Variants in CYP17A1 observed in about 807,000 individuals in gnomAD.
CYP17A1 encodes the protein steroid 17-alpha-hydroxylase/17,20 lyase.
Under a neutral mutation model 38.5 loss-of-function variants are expected in CYP17A1, and 27 were observed. The ratio of observed to expected loss-of-function variants is 0.70; its 90% CI spans 0.52 to 0.97. The LOEUF is 0.97. Among genes scored for constraint, CYP17A1 ranks in the 50% least tolerant of loss-of-function variants. The pLI is 0.00. For synonymous variants in CYP17A1, 263 were observed against 253.3 expected (o/e 1.04, Z -0.36); for missense variants, 549 against 645.9 (o/e 0.85, Z 1.63).
intron 4 of CYP17A1, 163 bp from the exon 5 acceptor site, chr10:102,833,371 G>T: frequency 7.1e-7 from 1 of 1,412,732 alleles, no homozygotes; most frequent in Non-Finnish European, 9.5e-7. Context: ...AGGCAGCCCC[G>T]GGCCCTCTTT....
intron 1 of CYP17A1, among the ~76,000 whole-genome samples, chr10:102,836,473 A>AAAT (rs1844164070): frequency 6.6e-6 from 1 of 150,682 alleles, no homozygotes; most frequent in African/African-American, 2.4e-5. Context: ...AAAAAAAAAA[A>AAAT]AAAAAATGCT....
rs1207264256 is a variant in CYP17A1, at chr10:102,832,564, G to A, written c.1086C>T (p.Arg362=). The change falls in exon 6 of 8, where the codon CGC becomes CGT. Residue 362 remains arginine, a synonymous_variant. Transcript: ENST00000369887. ...TGAGCATAGGGGCCACGGGCCTGAG[G>A]CGAAGCACCTCTCGGATGGTGGCCT... ...LLEATIREVL[R]LRPVAPMLIP... The A allele has an allele frequency of 1.2e-6, 2 of 1,611,636 alleles. No individual in the cohort carries two copies. The highest frequency in any genetic ancestry group is 1.7e-6 in the Non-Finnish European group (2 of 1,177,692).
Position 102,837,212 on chromosome 10 carries a change from A to C in CYP17A1, c.150T>G (p.His50Gln). ...TTTTCTGCAGCTTGAAGAAGTTGTT[A>C]TGCATATGGCCGTGTCTGGGGAGGA... ...LPFLPRHGHM[H>Q]NNFFKLQKKY... The change falls in exon 1 of 8, where the codon CAT becomes CAG. Residue 50 changes from histidine to glutamine, a missense_variant. Coordinates refer to ENST00000369887, the MANE Select transcript of CYP17A1 (RefSeq NM_000102.4). 1 of 1,609,064 alleles carries C rather than the reference A, an allele frequency of 6.2e-7. No homozygotes were observed. Among genetic ancestry groups the C allele is most frequent in the Non-Finnish European group, 8.5e-7 (1 of 1,175,374 alleles).
chr10:102,835,742 ACT>A (rs1470749612), intron 1 of CYP17A1: 2 of 378,444 alleles, frequency 5.3e-6, no homozygotes, highest in Non-Finnish European at 1.0e-5. Flanking sequence ...GATGGGATAA[ACT>A]CTCTAAACTA....
intron 5 of CYP17A1, 47 bp downstream of exon 5, chr10:102,832,946 A>G: frequency 6.2e-7 from 1 of 1,607,160 alleles, no homozygotes; most frequent in Non-Finnish European, 8.5e-7. Flanking sequence ...TCTGGAGCCC[A>G]GAGATTGGGC....
intron 1 of CYP17A1, chr10:102,835,611 A>G (rs1432389844): frequency 3.4e-6 from 2 of 595,104 alleles, no homozygotes; most frequent in Admixed American, 2.8e-5. Flanking sequence ...AATACAGTAG[A>G]TCAAGGAGAA....
At position 102,830,883 on chromosome 10, in the gene CYP17A1, C is replaced by T. The variant is rs752164207; in HGVS notation, c.1346G>A (p.Arg449His). 4.4e-6 allele frequency: 7 copies of T among 1,583,944 alleles called. No homozygotes were observed. Among genetic ancestry groups the T allele is most frequent in the African/African-American group, 2.7e-5 (2 of 74,258 alleles). Residue 449 changes from arginine to histidine, a missense_variant, in exon 8 of 8, where the codon CGC (arginine) becomes CAC (histidine). By Grantham distance (29) the Arg-to-His change is conservative. Transcript: ENST00000369887. The surrounding 1 kb of genome is among the most constrained non-coding windows in gnomAD (Gnocchi z 4.1). Reference sequence around the variant, plus strand: ...GGCCATGATGAGGAAGAGCTCCTGGCGGGCCAGGATCTCACCTATACAGGA... The same window carrying T: ...GGCCATGATGAGGAAGAGCTCCTGGTGGGCCAGGATCTCACCTATACAGGA... Reference protein sequence around the residue: ...PRSCIGEILARQELFLIMAWL... With the variant: ...PRSCIGEILAHQELFLIMAWL...
intron 6 of CYP17A1, among the ~76,000 whole-genome samples, chr10:102,832,108 C>G (rs1844097880): frequency 6.6e-6 from 1 of 152,064 alleles, no homozygotes; most frequent in South Asian, 2.1e-4. Context: ...GAGTCCCGCT[C>G]TGTCACCCAG....
rs1359426739 is a variant in CYP17A1, at chr10:102,835,020, G to A, written c.437-6C>T. Reference sequence around the variant, plus strand: ...TGTACTGATTTCCTGACAAACTGAAGGGAGAGGGGGCATGAGGGTGGGAAA... The same window carrying A: ...TGTACTGATTTCCTGACAAACTGAAAGGAGAGGGGGCATGAGGGTGGGAAA... On this transcript the variant is annotated splice_region_variant and splice_polypyrimidine_tract_variant and intron_variant, in intron 2 of 7. Coordinates refer to ENST00000369887, the MANE Select transcript of CYP17A1 (RefSeq NM_000102.4). 2.0e-6 allele frequency: 3 copies of A among 1,531,900 alleles called. No individual in the cohort carries two copies. Among genetic ancestry groups the A allele is most frequent in the Non-Finnish European group, 2.7e-6 (3 of 1,112,246 alleles). The allele number at this position is 1,531,900 out of a possible 1,614,324, so 94.9% of individuals were successfully genotyped here.
At chr10:102,832,924 G>A in intron 5 of CYP17A1, 69 bp downstream of exon 5, 1 of 1,589,036 alleles carries the variant, frequency 6.3e-7, no homozygotes. Context: ...GAGAGAATTG[G>A]CTCTCCCTTT....
chr10:102,832,794 T>C, intron 5 of CYP17A1, 114 bp from the exon 6 acceptor site: 2 of 1,289,356 alleles, frequency 1.6e-6, no homozygotes, highest in Non-Finnish European at 1.1e-6. Flanking sequence ...CCCTTCCCAG[T>C]AGTGGCTCTG....
Position 102,834,935 on chromosome 10 carries a change from G to A in CYP17A1, c.516C>T (p.Phe172=), listed in dbSNP as rs1488291459. The A allele has an allele frequency of 4.3e-6, 7 of 1,613,374 alleles. No individual in the cohort carries two copies. The highest frequency in any genetic ancestry group is 5.9e-6 in the Non-Finnish European group (7 of 1,179,548). The stretch of plus-strand genomic sequence containing the variant: ...AGGAGATGACATTGGTTACCGCCAC[G>A]AAGACAGGAAAGGAGATGTCTATGG... ...GQSIDISFPV[F]VAVTNVISLI... The change falls in exon 3 of 8, where the codon TTC becomes TTT. Residue 172 remains phenylalanine (F), a synonymous_variant. Coordinates refer to ENST00000369887, the MANE Select transcript of CYP17A1 (RefSeq NM_000102.4).
chr10:102,832,080 A>T (rs953527834), intron 6 of CYP17A1, among the ~76,000 whole-genome samples: 5 of 151,580 alleles, frequency 3.3e-5, no homozygotes, highest in Non-Finnish European at 7.4e-5. Context: ...TAATTAATTA[A>T]TTATTTATTT....
chr10:102,831,580 C>CT lies in CYP17A1; in HGVS notation c.1170dup (p.Glu391ArgfsTer13). On this transcript the variant is annotated frameshift_variant, in exon 7 of 8. Coordinates refer to ENST00000369887, the MANE Select transcript of CYP17A1 (RefSeq NM_000102.4). LOFTEE classifies it high-confidence loss of function. ...AGCGCCCACAGATTGATGATAACTT[C>CT]TGTGCCCTTGTCCACAGCAAACTCA... 1.2e-6 allele frequency: 2 copies of CT among 1,613,992 alleles called. No individual in the cohort carries two copies. The highest frequency in any genetic ancestry group is 2.2e-5 in the South Asian group (2 of 91,082).
Position 102,835,352 on chromosome 10 carries a change from G to C in CYP17A1, c.338C>G (p.Ala113Gly), listed in dbSNP as rs1297533084. ...DIASNNRKGI[A>G]FADSGAHWQL... ...CCAGTGTGCGCCAGAGTCAGCGAAG[G>C]CGATACCCTTACGGTTGTTGGACGC... The change falls in exon 2 of 8, where the codon GCC becomes GGC. Residue 113 changes from alanine (A) to glycine (G), a missense_variant. Ala to Gly is a moderately conservative substitution (Grantham distance 60). This residue lies in a region of CYP17A1 where 289 missense variants were observed against 320.9 expected (regional missense o/e 0.90). Coordinates refer to ENST00000369887, the MANE Select transcript of CYP17A1 (RefSeq NM_000102.4). 1.2e-6 allele frequency: 2 copies of C among 1,612,338 alleles called. No individual in the cohort carries two copies. The highest frequency in any genetic ancestry group is 1.7e-6 in the Non-Finnish European group (2 of 1,178,400).
At position 102,831,365 on chromosome 10, in the gene CYP17A1, AGG is replaced by A. The variant is rs1323229352; in HGVS notation, c.1243+141_1243+142del. On this transcript the variant is annotated intron_variant, in intron 7 of 7. Coordinates refer to ENST00000369887, the MANE Select transcript of CYP17A1 (RefSeq NM_000102.4). ...TGAAGAGTTTGGGTAAGTCTATGGC[AGG>A]ATGAGGGTGTCAACAGGTCCGTATA... 4.4e-6 allele frequency: 6 copies of A among 1,373,046 alleles called. No homozygotes were observed. In the African/African-American group the frequency reaches 8.6e-5, roughly 20 times the overall value. The allele number at this position is 1,373,046 out of a possible 1,614,324, so 85.1% of individuals were successfully genotyped here. A position where few individuals can be genotyped will look rare whatever the true frequency, so the allele number is the denominator to read the frequency against.
chr10:102,835,397 A>G lies in CYP17A1; in HGVS notation c.298-5T>C, dbSNP rs1217239180. 6.2e-7 allele frequency: 1 copy of G among 1,611,106 alleles called. No homozygotes were observed. The highest frequency in any genetic ancestry group is 1.7e-5 in the Admixed American group (1 of 60,028). On this transcript the variant is annotated splice_polypyrimidine_tract_variant and splice_region_variant and intron_variant, in intron 1 of 7. Coordinates refer to ENST00000369887, the MANE Select transcript of CYP17A1 (RefSeq NM_000102.4). The stretch of plus-strand genomic sequence containing the variant: ...GGACGCGATGTCTAGAGTTGCCTTT[A>G]GAGAGCAGGCAAGGCTGTAGGAATC...
Position 102,834,655 on chromosome 10 carries a change from G to A in CYP17A1, c.666+130C>T. The A allele has an allele frequency of 2.4e-6, 3 of 1,275,984 alleles. No individual in the cohort carries two copies. The South Asian group carries it at 3.8e-5, about 16-fold the overall frequency. The allele number at this position is 1,275,984 out of a possible 1,614,324, so 79.0% of individuals were successfully genotyped here. A position where few individuals can be genotyped will look rare whatever the true frequency, so the allele number is the denominator to read the frequency against. ...GCAAAGGTTTTAAGTGGCAGAGGAGGTAGAGGTGGCGGAGGTAATCAGGAA... is the reference window on the plus strand; with the variant it reads ...GCAAAGGTTTTAAGTGGCAGAGGAGATAGAGGTGGCGGAGGTAATCAGGAA... On this transcript the variant is annotated intron_variant, in intron 3 of 7. Transcript: ENST00000369887.
At position 102,835,373 on chromosome 10, in the gene CYP17A1, G is replaced by T; in HGVS notation, c.317C>A (p.Ser106Tyr). 1 of 1,613,152 alleles carries T rather than the reference G, an allele frequency of 6.2e-7. No homozygotes were observed. Among genetic ancestry groups the T allele is most frequent in the Admixed American group, 1.7e-5 (1 of 60,038 alleles). The change falls in exon 2 of 8, where the codon TCC becomes TAC. Residue 106 changes from serine to tyrosine, a missense_variant. Transcript: ENST00000369887. ...GAAGGCGATACCCTTACGGTTGTTG[G>T]ACGCGATGTCTAGAGTTGCCTTTAG... ...RPQMATLDIA[S>Y]NNRKGIAFAD...
Sources: gnomAD v4.1 joint callset for allele counts (sites outside exome capture counted in the v4.1 genomes callset) on GRCh38, gnomAD v4.1.1 for gene constraint, gnomAD v4.1.1 regional missense constraint, Gnocchi (gnomAD v3.1) non-coding constraint, MANE v1.5 for transcripts, NCBI Gene and HGNC (gene_info 2026-07-23, HGNC 2026-07-21) for gene names.